RBMS3: variants seen among roughly 807,000 people sequenced by gnomAD.
RBMS3 encodes the protein RNA binding motif single stranded interacting protein 3.
In RBMS3, 27 loss-of-function variants were observed where a neutral mutation model predicts 66.8. The ratio of observed to expected loss-of-function variants is 0.40; its 90% CI spans 0.30 to 0.56. The LOEUF (loss-of-function observed/expected upper bound fraction) is 0.56. Among genes scored for constraint, RBMS3 ranks in the 20% least tolerant of loss-of-function variants. RBMS3 has a pLI of 0.40. For synonymous variants in RBMS3, 188 were observed against 183.0 expected (o/e 1.03, Z -0.22); for missense variants, 513 against 549.5 (o/e 0.93, Z 0.66).
intron 2 of RBMS3, among the ~76,000 whole-genome samples, chr3:29,479,328 G>A (rs2043055233): frequency 6.7e-6 from 1 of 150,250 alleles, no homozygotes; most frequent in South Asian, 2.1e-4. Flanking sequence ...AATATACAAT[G>A]TATATATACA....
At chr3:29,789,250 G>A (rs992964947) in intron 6 of RBMS3, among the ~76,000 whole-genome samples, 4 of 151,858 alleles carry the variant, frequency 2.6e-5, no homozygotes, top group South Asian at 2.1e-4. Context: ...GGTGATAGAC[G>A]TATTTATCCT....
At chr3:29,703,848 G>A (rs1306223695) in intron 4 of RBMS3, among the ~76,000 whole-genome samples, 2 of 148,420 alleles carry the variant, frequency 1.3e-5, no homozygotes, top group East Asian at 3.9e-4. Context: ...ATGAGTGCTG[G>A]GCGAGTGAAT....
intron 10 of RBMS3, among the ~76,000 whole-genome samples, chr3:29,913,680 G>A (rs2060571248): frequency 1.3e-5 from 2 of 151,904 alleles, no homozygotes; most frequent in South Asian, 4.1e-4. Flanking sequence ...CTATTGAGAA[G>A]AGAAACCTTT....
intron 1 of RBMS3, among the ~76,000 whole-genome samples, chr3:29,375,138 G>C (rs1203687565): frequency 6.6e-6 from 1 of 152,114 alleles, no homozygotes; most frequent in African/African-American, 2.4e-5. Context: ...TAAAGGGTTG[G>C]GAAAACTGGC....
chr3:29,967,564 G>A (rs1696933256), intron 12 of RBMS3, among the ~76,000 whole-genome samples: 2 of 152,082 alleles, frequency 1.3e-5, no homozygotes, highest in African/African-American at 4.8e-5. Context: ...CAAAGTGCTG[G>A]GATTACAGGC....
intron 6 of RBMS3, among the ~76,000 whole-genome samples, chr3:29,830,579 C>G (rs1182952297): frequency 6.6e-6 from 1 of 152,112 alleles, no homozygotes; most frequent in Non-Finnish European, 1.5e-5. Context: ...TATAGAGATA[C>G]AGGCCTGGAA....
chr3:29,550,327 T>G (rs1246054916), intron 3 of RBMS3, among the ~76,000 whole-genome samples: 1 of 152,200 alleles, frequency 6.6e-6, no homozygotes, highest in Non-Finnish European at 1.5e-5. Context: ...CTGCCAGATT[T>G]ATAAAATATA....
chr3:29,641,050 A>C (rs2049685071), intron 4 of RBMS3: 1 of 152,052 alleles, frequency 6.6e-6, no homozygotes, highest in Non-Finnish European at 1.5e-5. Flanking sequence ...AGAAACTTCA[A>C]GAAAAATAAC....
At chr3:29,484,732 A>T (rs2043259039) in intron 2 of RBMS3, among the ~76,000 whole-genome samples, 1 of 152,164 alleles carries the variant, frequency 6.6e-6, no homozygotes, top group Admixed American at 6.5e-5. Context: ...ACAACATTCC[A>T]ACTGGGTCCC....
intron 1 of RBMS3, among the ~76,000 whole-genome samples, chr3:29,341,074 C>G (rs1489166543): frequency 6.6e-6 from 1 of 151,922 alleles, no homozygotes; most frequent in Non-Finnish European, 1.5e-5. Flanking sequence ...AATCCTTTTT[C>G]TTGTTAAAGG....
chr3:29,836,250 T>C (rs1232487731), intron 6 of RBMS3, among the ~76,000 whole-genome samples: 2 of 152,012 alleles, frequency 1.3e-5, no homozygotes, highest in African/African-American at 4.8e-5. Flanking sequence ...ATGATGTATG[T>C]CCAAACTCAT....
chr3:29,445,943 A>G (rs142819637), intron 2 of RBMS3, among the ~76,000 whole-genome samples: 3 of 152,278 alleles, frequency 2.0e-5, no homozygotes, highest in Non-Finnish European at 4.4e-5. Flanking sequence ...GAGTAAAATT[A>G]AGTGCACTCA....
intron 3 of RBMS3, among the ~76,000 whole-genome samples, chr3:29,552,830 T>TA: frequency 6.6e-6 from 1 of 152,152 alleles, no homozygotes; most frequent in Non-Finnish European, 1.5e-5. Context: ...CTGGAGTTAG[T>TA]AAAATGTATC....
At chr3:29,517,301 GTGTGTGTA>G (rs1283344216) in intron 3 of RBMS3, among the ~76,000 whole-genome samples, 16 of 134,320 alleles carry the variant, frequency 1.2e-4, no homozygotes, top group East Asian at 2.6e-4. Flanking sequence ...GTGTGTGTGT[GTGTGTGTA>G]TATATATATA....
At chr3:29,586,260 C>G (rs2047517805) in intron 3 of RBMS3, among the ~76,000 whole-genome samples, 1 of 152,006 alleles carries the variant, frequency 6.6e-6, no homozygotes, top group Non-Finnish European at 1.5e-5. Flanking sequence ...TTAGGCTAAG[C>G]CTTGGACTAT....
chr3:29,993,916 CG>C (rs376565166), intron 14 of RBMS3, among the ~76,000 whole-genome samples: 1 of 152,056 alleles, frequency 6.6e-6, no homozygotes, highest in Non-Finnish European at 1.5e-5. Flanking sequence ...ATCTCTGTAT[CG>C]GGGGGAGGAA....
chr3:29,520,676 A>G (rs748338234), intron 3 of RBMS3, among the ~76,000 whole-genome samples: 1 of 152,198 alleles, frequency 6.6e-6, no homozygotes, highest in Non-Finnish European at 1.5e-5. Context: ...TGCACTATAT[A>G]CAAATTAATA....
intron 8 of RBMS3, among the ~76,000 whole-genome samples, chr3:29,888,481 C>T (rs1050466794): frequency 9.2e-5 from 14 of 151,646 alleles, no homozygotes; most frequent in Non-Finnish European, 1.9e-4. Flanking sequence ...CCCACTTTTA[C>T]TAATCTTACT....
chr3:29,643,973 T>C (rs1251645184), intron 4 of RBMS3, among the ~76,000 whole-genome samples: 1 of 152,236 alleles, frequency 6.6e-6, no homozygotes, highest in Non-Finnish European at 1.5e-5. Context: ...AGAATGTTTT[T>C]CGAGTGCATT....
Sources: allele counts gnomAD v4.1 joint callset (sites outside exome capture counted in the v4.1 genomes callset), GRCh38; gene constraint gnomAD v4.1.1; transcripts MANE v1.5; gene names NCBI Gene and HGNC (gene_info 2026-07-23, HGNC 2026-07-21).